Variants in KIF16B observed in about 807,000 individuals in gnomAD.
KIF16B encodes the protein kinesin-like protein KIF16B.
A neutral mutation model predicts 156.3 loss-of-function variants in KIF16B; 98 were observed. The observed-to-expected ratio is 0.63, with a 90% confidence interval of 0.53 to 0.74. The LOEUF is 0.74. Among genes scored for constraint, KIF16B ranks in the 30% least tolerant of loss-of-function variants. KIF16B has a pLI of 0.00. For missense variants in KIF16B, 1,421 were observed against 1,606.5 expected (o/e 0.88, Z 1.97); for synonymous variants, 564 against 583.7 (o/e 0.97, Z 0.49).
At chr20:16,439,792 G>A (rs1421530505) in intron 12 of KIF16B, among the ~76,000 whole-genome samples, 1 of 152,120 alleles carries the variant, frequency 6.6e-6, no homozygotes, top group Non-Finnish European at 1.5e-5. Flanking sequence ...AGCTTGTGCA[G>A]GGAAACTCCA....
intron 12 of KIF16B, among the ~76,000 whole-genome samples, chr20:16,466,769 C>T (rs570275412): frequency 2.0e-3 from 302 of 151,386 alleles, no homozygotes; most frequent in Non-Finnish European, 3.4e-3. Flanking sequence ...AGCAGAAACC[C>T]ACCAGCAGAA....
intron 10 of KIF16B, among the ~76,000 whole-genome samples, chr20:16,499,374 A>T (rs112846001): frequency 5.4e-4 from 83 of 152,320 alleles, no homozygotes; most frequent in African/African-American, 1.6e-3. Flanking sequence ...GTCATTAGGG[A>T]TGTTGCCTAG....
At chr20:16,329,054 T>C (rs2063904774) in intron 24 of KIF16B, among the ~76,000 whole-genome samples, 1 of 152,158 alleles carries the variant, frequency 6.6e-6, no homozygotes, top group South Asian at 2.1e-4. Flanking sequence ...AGACAGGAGT[T>C]GGCATCTGTG....
intron 17 of KIF16B, among the ~76,000 whole-genome samples, chr20:16,393,019 TGAA>T (rs952410131): frequency 2.0e-5 from 3 of 152,152 alleles, no homozygotes; most frequent in Admixed American, 2.0e-4. Flanking sequence ...AAACATAAAA[TGAA>T]GAATCATATT....
intron 23 of KIF16B, among the ~76,000 whole-genome samples, chr20:16,352,831 C>A (rs1490352387): frequency 6.6e-6 from 1 of 152,202 alleles, no homozygotes; most frequent in Non-Finnish European, 1.5e-5. Context: ...GGCCTCAACA[C>A]CAAGTGGGCC....
At chr20:16,289,931 C>G (rs1377473460) in intron 25 of KIF16B, among the ~76,000 whole-genome samples, 1 of 152,184 alleles carries the variant, frequency 6.6e-6, no homozygotes, top group African/African-American at 2.4e-5. Context: ...AACTGAAAAT[C>G]TAACCCATGT....
chr20:16,276,093 C>T (rs2063057256), intron 25 of KIF16B, among the ~76,000 whole-genome samples: 1 of 152,224 alleles, frequency 6.6e-6, no homozygotes, highest in Non-Finnish European at 1.5e-5. Context: ...TCAGGTCTCC[C>T]ACAGGCTGCA....
At chr20:16,337,962 T>A (rs1038421311) in intron 23 of KIF16B, among the ~76,000 whole-genome samples, 34 of 152,200 alleles carry the variant, frequency 2.2e-4, no homozygotes, top group African/African-American at 7.7e-4. Flanking sequence ...GGTGAGACTA[T>A]ACTATACTGG....
At chr20:16,426,421 G>A (rs951343770) in intron 15 of KIF16B, among the ~76,000 whole-genome samples, 1 of 152,176 alleles carries the variant, frequency 6.6e-6, no homozygotes, top group Non-Finnish European at 1.5e-5. Flanking sequence ...AAAGAAGAGA[G>A]AGAGGTAACA....
At chr20:16,349,489 C>T (rs2064294709) in intron 23 of KIF16B, among the ~76,000 whole-genome samples, 1 of 152,242 alleles carries the variant, frequency 6.6e-6, no homozygotes, top group African/African-American at 2.4e-5. Context: ...ACGAGTGCTG[C>T]CTTGCAGGAA....
chr20:16,558,517 G>T (rs2070937129), intron 1 of KIF16B, among the ~76,000 whole-genome samples: 1 of 152,150 alleles, frequency 6.6e-6, no homozygotes, highest in African/African-American at 2.4e-5. Flanking sequence ...GGATATAGAA[G>T]AAAAACCACC....
intron 23 of KIF16B, among the ~76,000 whole-genome samples, chr20:16,342,586 A>G (rs951444737): frequency 2.1e-5 from 3 of 145,952 alleles, no homozygotes; most frequent in African/African-American, 2.4e-5. Flanking sequence ...TATGACTGTA[A>G]AAAAAAACTG....
Position 16,526,187 on chromosome 20 carries a change from C to A in KIF16B, c.136G>T (p.Gly46Trp). The change falls in exon 3 of 26, where the codon GGG becomes TGG. Residue 46 changes from glycine to tryptophan, a missense_variant. Transcript: ENST00000354981. ...TNLKIPEGGT[G>W]DSGRERTKTF... is the part of the protein sequence containing the mutation. ...TTGGTCCGTTCTCTTCCTGAGTCCC[C>A]AGTGCCTCCTTCTGGTATCTAGAAA... 6.3e-7 allele frequency: 1 copy of A among 1,589,176 alleles called. No homozygotes were observed. Among genetic ancestry groups the A allele is most frequent in the Non-Finnish European group, 8.6e-7 (1 of 1,165,394 alleles).
At chr20:16,312,239 G>T in intron 25 of KIF16B, 96 bp downstream of exon 25, 2 of 830,996 alleles carry the variant, frequency 2.4e-6, no homozygotes, top group Non-Finnish European at 3.9e-6. Context: ...CTTCACACTT[G>T]TGAAGAAATT....
At chr20:16,570,711 C>G (rs184157858) in intron 1 of KIF16B, among the ~76,000 whole-genome samples, 54 of 152,292 alleles carry the variant, frequency 3.5e-4, no homozygotes, top group Admixed American at 3.1e-3. Flanking sequence ...TTATTCTCAT[C>G]ATCCTGGCAA....
intron 22 of KIF16B, among the ~76,000 whole-genome samples, chr20:16,359,530 T>C (rs1040335733): frequency 6.6e-6 from 1 of 152,086 alleles, no homozygotes; most frequent in East Asian, 1.9e-4. Flanking sequence ...GTCTTGGGTA[T>C]TTATAGCAAG....
At chr20:16,506,941 A>G (rs1600573293) in intron 7 of KIF16B, among the ~76,000 whole-genome samples, 1 of 80,106 alleles carries the variant, frequency 1.2e-5, no homozygotes, top group African/African-American at 3.6e-5. Flanking sequence ...GAAAAAACTT[A>G]AAAAAAAAAA....
chr20:16,352,336 C>G (rs1284093611), intron 23 of KIF16B, among the ~76,000 whole-genome samples: 1 of 152,200 alleles, frequency 6.6e-6, no homozygotes, highest in Non-Finnish European at 1.5e-5. Context: ...CTTATATATC[C>G]TCAGTTATTT....
intron 12 of KIF16B, among the ~76,000 whole-genome samples, chr20:16,470,323 T>G (rs543475464): frequency 6.6e-6 from 1 of 152,282 alleles, no homozygotes; most frequent in East Asian, 1.9e-4. Flanking sequence ...AACCCTAAGG[T>G]AAATTCTAAA....
Sources: allele counts gnomAD v4.1 joint callset (sites outside exome capture counted in the v4.1 genomes callset), GRCh38; gene constraint gnomAD v4.1.1; transcripts MANE v1.5; gene names NCBI Gene and HGNC (gene_info 2026-07-23, HGNC 2026-07-21).